The following KANK1 variants were observed in gnomAD, a reference collection of about 807,000 sequenced individuals.
KANK1 encodes the protein KN motif and ankyrin repeat domain-containing protein 1.
Under a neutral mutation model 106.2 loss-of-function variants are expected in KANK1, and 109 were observed. The observed-to-expected ratio is 1.03, with a 90% CI of 0.88 to 1.20. The LOEUF is 1.20. Ranked by LOEUF, KANK1 falls within the 50% of genes most tolerant of loss-of-function variation. The pLI is 0.00. For synonymous variants in KANK1, 873 were observed against 652.2 expected (o/e 1.34, Z -5.16); for missense variants, 2,399 against 1,710.7 (o/e 1.40, Z -7.10).
Position 547,049 on chromosome 9 carries a change from T to G in KANK1, c.-84+42295T>G, listed in dbSNP as rs182481885. ...GTCAAAATTGTGTTCCCAGATCGGT[T>G]GTTGTTTGAAACATTTGGGGCTGAT... On this transcript the variant is annotated intron_variant, in intron 1 of 11. Transcript: ENST00000382297. 5.9e-5 allele frequency among the ~76,000 whole-genome samples: 9 copies of G among 152,346 alleles called. No homozygotes were observed. In the East Asian group the frequency reaches 1.5e-3, roughly 26 times the overall value.
intron 2 of KANK1, among the ~76,000 whole-genome samples, chr9:680,637 T>A (rs1817356886): frequency 6.6e-6 from 1 of 152,164 alleles, no homozygotes; most frequent in African/African-American, 2.4e-5. Context: ...GGCAAAAATT[T>A]CTGCCCTCAA....
At chr9:541,964 C>T (rs2060629224) in intron 1 of KANK1, among the ~76,000 whole-genome samples, 1 of 151,086 alleles carries the variant, frequency 6.6e-6, no homozygotes, top group South Asian at 2.1e-4. Flanking sequence ...TAGCGGGCCC[C>T]TGTAGTCCCA....
At chr9:582,627 A>C (rs1169991314) in intron 1 of KANK1, among the ~76,000 whole-genome samples, 5 of 152,212 alleles carry the variant, frequency 3.3e-5, no homozygotes, top group African/African-American at 1.2e-4. Context: ...TTTAAAAAAT[A>C]AAAACATTTG....
At chr9:684,371 G>C in intron 2 of KANK1, 1 of 985,324 alleles carries the variant, frequency 1.0e-6, no homozygotes, top group Non-Finnish European at 1.2e-6. Flanking sequence ...ATTTTTGCCT[G>C]GTACCAACTT....
At chr9:607,344 G>C (rs1588197455) in intron 1 of KANK1, among the ~76,000 whole-genome samples, 1 of 151,592 alleles carries the variant, frequency 6.6e-6, no homozygotes, top group African/African-American at 2.4e-5. Flanking sequence ...AAATTAGCTG[G>C]TGTGGCGACG....
intron 1 of KANK1, among the ~76,000 whole-genome samples, chr9:537,240 A>T (rs2060348467): frequency 6.6e-6 from 1 of 152,132 alleles, no homozygotes; most frequent in East Asian, 1.9e-4. Context: ...GGAAAATTGG[A>T]CCCCTCTGTG....
intron 3 of KANK1, among the ~76,000 whole-genome samples, chr9:497,430 T>TCACACACACACA (rs112024846): frequency 6.4e-4 from 96 of 150,828 alleles, no homozygotes; most frequent in African/African-American, 2.2e-3. Flanking sequence ...ATGTGACTCT[T>TCACACACACACA]CACACACACA....
intron 3 of KANK1, among the ~76,000 whole-genome samples, chr9:715,536 G>C (rs942897168): frequency 6.6e-6 from 1 of 152,166 alleles, no homozygotes; most frequent in African/African-American, 2.4e-5. Context: ...GTTCGGTCTG[G>C]CTGTGTGACA....
intron 1 of KANK1, among the ~76,000 whole-genome samples, chr9:614,490 A>G (rs182565216): frequency 7.6e-4 from 115 of 152,286 alleles, no homozygotes; most frequent in African/African-American, 2.6e-3. Flanking sequence ...CTTGGCTGAC[A>G]CTGATCTTGG....
At chr9:707,095 T>G in intron 2 of KANK1, 1 of 985,460 alleles carries the variant, frequency 1.0e-6, no homozygotes, top group Non-Finnish European at 1.2e-6. Flanking sequence ...GCTCAGCCTA[T>G]GGCATCCGAG....
At chr9:731,111 A>G (rs768398588) in intron 4 of KANK1, 47 bp from the exon 5 acceptor site, 4 of 997,428 alleles carry the variant, frequency 4.0e-6, no homozygotes, top group South Asian at 1.4e-5. Context: ...ATCATTTAAC[A>G]TGTATGGGTG....
In KANK1 at chr9:554,027, A is replaced by G. The variant is rs551353014; in HGVS notation, c.-84+49273A>G. Reference sequence around the variant, plus strand: ...TTCTGGGACTGGCGTACAAATGTACATTTTTGACAAGTTACCAGCTGTATG... The same window carrying G: ...TTCTGGGACTGGCGTACAAATGTACGTTTTTGACAAGTTACCAGCTGTATG... On this transcript the variant is annotated intron_variant, in intron 1 of 11. Coordinates refer to ENST00000382297, the MANE Select transcript of KANK1 (RefSeq NM_015158.5). Among the ~76,000 whole-genome samples, 10 of 152,312 alleles carry G rather than the reference A, an allele frequency of 6.6e-5. No individual in the cohort carries two copies. The East Asian group carries it at 9.6e-4, about 15-fold the overall frequency.
intron 1 of KANK1, among the ~76,000 whole-genome samples, chr9:511,193 GGGT>G (rs2132829251): frequency 6.6e-6 from 1 of 152,284 alleles, no homozygotes; most frequent in South Asian, 2.1e-4. Flanking sequence ...AAATGTGTAT[GGGT>G]GGGAATTAGA....
chr9:687,738 C>A (rs1006533780), intron 2 of KANK1, among the ~76,000 whole-genome samples: 2 of 152,180 alleles, frequency 1.3e-5, no homozygotes, highest in Non-Finnish European at 2.9e-5. Context: ...CTCAGATACT[C>A]CCAATGGGAG....
At chr9:536,460 T>C (rs1462810540) in intron 1 of KANK1, among the ~76,000 whole-genome samples, 1 of 152,084 alleles carries the variant, frequency 6.6e-6, no homozygotes, top group Non-Finnish European at 1.5e-5. Flanking sequence ...TTCTGAAGGT[T>C]TTGGGGAGAA....
rs762657224 is a variant in KANK1, at chr9:712,998, C to A, written c.2232C>A (p.Gly744=). 9 of 1,614,142 alleles carry A rather than the reference C, an allele frequency of 5.6e-6. No homozygotes were observed. Among genetic ancestry groups the A allele is most frequent in the South Asian group, 5.5e-5 (5 of 91,054 alleles). The change falls in exon 3 of 12, where the codon GGC becomes GGA. Residue 744 remains glycine, a synonymous_variant. Coordinates refer to ENST00000382297, the MANE Select transcript of KANK1 (RefSeq NM_015158.5). The part of the protein sequence containing the change: ...RSIGVGTLLS[G]HSGFDRPSAV... ...TTGGTGTTGGAACGTTGCTTTCTGG[C>A]CATTCTGGGTTTGACAGGCCATCAG...
chr9:485,407 T>C (rs1419302379), intron 3 of KANK1, among the ~76,000 whole-genome samples: 1 of 152,264 alleles, frequency 6.6e-6, no homozygotes, highest in African/African-American at 2.4e-5. Context: ...AATCTGGTTT[T>C]TGAATATTTC....
intron 1 of KANK1, among the ~76,000 whole-genome samples, chr9:556,721 A>G (rs2061609177): frequency 1.3e-5 from 2 of 152,178 alleles, no homozygotes; most frequent in East Asian, 1.9e-4. Context: ...GCCCTGCTTC[A>G]TGATGTTCCT....
chr9:688,537 T>C lies in KANK1; in HGVS notation c.37+11528T>C, dbSNP rs148613988. Among the ~76,000 whole-genome samples, 436 of 96,728 alleles carry C rather than the reference T, an allele frequency of 4.5e-3. 1 individual carries two copies. The highest frequency in any genetic ancestry group is 6.7e-3 in the Non-Finnish European group (305 of 45,246). 63.5% of individuals were successfully genotyped at this position (96,728 alleles called of 152,430 possible). A position where few individuals can be genotyped will look rare whatever the true frequency, so the allele number is the denominator to read the frequency against. Reference sequence around the variant, plus strand: ...AGGAGAATAGCTTGAACCCGAGAGGTGGAGGTCGCAGTGAGCCGAGATCTG... The same window carrying C: ...AGGAGAATAGCTTGAACCCGAGAGGCGGAGGTCGCAGTGAGCCGAGATCTG... On this transcript the variant is annotated intron_variant, in intron 2 of 11. Coordinates refer to ENST00000382297, the MANE Select transcript of KANK1 (RefSeq NM_015158.5).
Sources: gnomAD v4.1 joint callset for allele counts (sites outside exome capture counted in the v4.1 genomes callset) on GRCh38, gnomAD v4.1.1 for gene constraint, MANE v1.5 for transcripts, NCBI Gene and HGNC (gene_info 2026-07-23, HGNC 2026-07-21) for gene names.